Variants in ZRSR2 observed in about 807,000 individuals in gnomAD.
ZRSR2 encodes the protein zinc finger CCCH-type, RNA binding motif and serine/arginine rich 2.
In ZRSR2, 3 loss-of-function variants were observed where a neutral mutation model predicts 39.4. The observed-to-expected ratio is 0.08, with a 90% CI of 0.03 to 0.20. The LOEUF (loss-of-function observed/expected upper bound fraction) is 0.20. Ranked by LOEUF, ZRSR2 falls within the 10% of genes least tolerant of loss-of-function variation. ZRSR2 has a pLI of 1.00. For missense variants in ZRSR2, 256 were observed against 391.5 expected (o/e 0.65, Z 2.92); for synonymous variants, 137 against 136.0 (o/e 1.01, Z -0.05).
intron 2 of ZRSR2, among the ~76,000 whole-genome samples, chrX:15,791,519 G>A (rs1015422273): frequency 9.0e-6 from 1 of 111,171 alleles, no homozygotes; most frequent in Admixed American, 9.6e-5. Flanking sequence ...CTGTTGCCCA[G>A]GAGGGATGTG....
rs775366500 is a variant in ZRSR2, at chrX:15,804,157, A to C, written c.359A>C (p.Glu120Ala). 5.8e-6 allele frequency: 7 copies of C among 1,198,838 alleles called. No individual in the cohort carries two copies. The highest frequency in any genetic ancestry group is 7.9e-6 in the Non-Finnish European group (7 of 889,063). The change falls in exon 5 of 11, where the codon GAA becomes GCA. Residue 120 changes from glutamate to alanine, a missense_variant. Transcript: ENST00000307771. ...GAAGAACAGCAGAGGAAAGAGAGAG[A>C]AGAGGAGGAGCAGAAACGACAGGAG... ...QWEEQQRKER[E>A]EEEQKRQEKK... is the part of the protein sequence containing the mutation.
At position 15,795,235 on chromosome X, in the gene ZRSR2, TAAC is replaced by T. The variant is rs1384162428; in HGVS notation, c.121+4228_121+4230del. ...TTGATGATTTTCATGGCTTTTTCTATAACAACAATAGCATCTTCAATGGTATAA... is the reference window on the plus strand; with the variant it reads ...TTGATGATTTTCATGGCTTTTTCTATAACAATAGCATCTTCAATGGTATAA... On this transcript the variant is annotated intron_variant, in intron 2 of 10. Coordinates refer to ENST00000307771, the MANE Select transcript of ZRSR2 (RefSeq NM_005089.4). Among the ~76,000 whole-genome samples, 5 of 111,008 alleles carry T rather than the reference TAAC, an allele frequency of 4.5e-5. No homozygotes were observed. In the East Asian group the frequency reaches 1.4e-3, roughly 31 times the overall value.
chrX:15,821,225 C>T (rs147610436), intron 10 of ZRSR2, among the ~76,000 whole-genome samples: 183 of 110,712 alleles, frequency 1.7e-3, no homozygotes, highest in African/African-American at 5.8e-3. Flanking sequence ...GAATTGTTCG[C>T]TCCATAAAGG....
chrX:15,808,066 A>G (rs1932826816), intron 5 of ZRSR2, among the ~76,000 whole-genome samples, 167 bp from the exon 6 acceptor site: 1 of 111,683 alleles, frequency 9.0e-6, no homozygotes, highest in Admixed American at 9.5e-5. Flanking sequence ...AGTCTCAGCT[A>G]TATATCCTTT....
At chrX:15,817,771 G>A (rs933890330) in intron 8 of ZRSR2, among the ~76,000 whole-genome samples, 6 of 110,897 alleles carry the variant, frequency 5.4e-5, no homozygotes, top group African/African-American at 1.3e-4. Flanking sequence ...TGCTGACTGC[G>A]GTACTGTTTG....
intron 3 of ZRSR2, among the ~76,000 whole-genome samples, chrX:15,802,428 TA>T (rs1489090463): frequency 8.9e-6 from 1 of 112,548 alleles, no homozygotes; most frequent in African/African-American, 3.2e-5. Flanking sequence ...ATTGGTCATA[TA>T]AAAAATAGAC....
intron 2 of ZRSR2, among the ~76,000 whole-genome samples, 191 bp downstream of exon 2, chrX:15,791,204 G>A (rs1932265739): frequency 8.9e-6 from 1 of 112,075 alleles, no homozygotes; most frequent in Non-Finnish European, 1.9e-5. Context: ...GCAGGAAGAG[G>A]AAGTCTTGGT....
intron 8 of ZRSR2, among the ~76,000 whole-genome samples, chrX:15,818,152 G>A (rs1424834146): frequency 1.8e-5 from 2 of 112,145 alleles, no homozygotes; most frequent in Admixed American, 1.9e-4. Context: ...GTTTGTGTTT[G>A]GAATGTGAAG....
intron 10 of ZRSR2, among the ~76,000 whole-genome samples, chrX:15,822,176 A>C (rs1933123996): frequency 9.0e-6 from 1 of 110,936 alleles, no homozygotes; most frequent in Non-Finnish European, 1.9e-5. Flanking sequence ...TTTTTAGTAG[A>C]GATGGGGTTT....
chrX:15,798,421 T>C (rs1196492004), intron 2 of ZRSR2, among the ~76,000 whole-genome samples: 3 of 112,512 alleles, frequency 2.7e-5, no homozygotes, highest in Non-Finnish European at 1.9e-5. Flanking sequence ...CCATGAACCC[T>C]TCAGCAAGAT....
At position 15,806,019 on chromosome X, in the gene ZRSR2, A is replaced by G. The variant is rs752849100; in HGVS notation, c.399+1822A>G. 2.5e-3 allele frequency among the ~76,000 whole-genome samples: 274 copies of G among 111,439 alleles called. 1 individual carries two copies. Among genetic ancestry groups the G allele is most frequent in the Non-Finnish European group, 3.5e-3 (187 of 53,027 alleles). ...TTGTGCTTCTATAGATTGCCTGCTC[A>G]AGGAAATTTCTGAGGAGGTGATGTT... On this transcript the variant is annotated intron_variant, in intron 5 of 10. Transcript: ENST00000307771.
chrX:15,810,467 A>G (rs1219554989), intron 7 of ZRSR2, among the ~76,000 whole-genome samples: 1 of 111,991 alleles, frequency 8.9e-6, no homozygotes, highest in African/African-American at 3.2e-5. Context: ...AGTAAAATTC[A>G]GATGTATTTA....
At chrX:15,811,624 C>T (rs950095279) in intron 7 of ZRSR2, among the ~76,000 whole-genome samples, 32 of 112,119 alleles carry the variant, frequency 2.9e-4, no homozygotes, top group Middle Eastern at 4.6e-3. Flanking sequence ...GACGAGGTTT[C>T]GCCATGTTGG....
chrX:15,803,224 C>T (rs1055498005), intron 3 of ZRSR2, among the ~76,000 whole-genome samples: 2 of 110,581 alleles, frequency 1.8e-5, no homozygotes, highest in Non-Finnish European at 3.8e-5. Flanking sequence ...GATCATGCCA[C>T]TGCACTCCAG....
At chrX:15,795,152 T>C (rs189368561) in intron 2 of ZRSR2, among the ~76,000 whole-genome samples, 23 of 99,215 alleles carry the variant, frequency 2.3e-4, no homozygotes, top group African/African-American at 8.4e-4. Context: ...TTAAGTCCAA[T>C]GATGCCATGC....
At chrX:15,815,510 T>C (rs1932954273) in intron 7 of ZRSR2, among the ~76,000 whole-genome samples, 167 bp from the exon 8 acceptor site, 1 of 112,542 alleles carries the variant, frequency 8.9e-6, no homozygotes, top group South Asian at 3.6e-4. Context: ...TTTCACCATG[T>C]TAGCCAGGCT....
Position 15,822,926 on chromosome X carries a change from G to C in ZRSR2, c.1133G>C (p.Arg378Pro), listed in dbSNP as rs755330386. 1.7e-6 allele frequency: 2 copies of C among 1,211,124 alleles called. No homozygotes were observed. The highest frequency in any genetic ancestry group is 3.0e-5 in the East Asian group (1 of 33,811). ...GHHDDYYSRL[R>P]GRRNPSPDHS... ...CACGACGACTACTACAGCAGGCTGC[G>C]GGGAAGGAGAAACCCTAGTCCAGAC... The change falls in exon 11 of 11, where the codon CGG becomes CCG. Residue 378 changes from arginine to proline, a missense_variant. By Grantham distance (103) the Arg-to-Pro change is moderately radical. Coordinates refer to ENST00000307771, the MANE Select transcript of ZRSR2 (RefSeq NM_005089.4).
chrX:15,796,075 C>T (rs1336873583), intron 2 of ZRSR2, among the ~76,000 whole-genome samples: 1 of 109,052 alleles, frequency 9.2e-6, no homozygotes, highest in Non-Finnish European at 1.9e-5. Flanking sequence ...GTCGCCCAGG[C>T]TGGAGTGCAG....
At position 15,823,223 on chromosome X, in the gene ZRSR2, A is replaced by G; in HGVS notation, c.1430A>G (p.Gln477Arg). 2 of 1,160,166 alleles carry G rather than the reference A, an allele frequency of 1.7e-6. No homozygotes were observed. The highest frequency in any genetic ancestry group is 2.3e-6 in the Non-Finnish European group (2 of 872,234). Residue 477 changes from glutamine (Q) to arginine (R), a missense_variant, in exon 11 of 11, where the codon CAG (glutamine) becomes CGG (arginine). Around this residue, in one of 3 missense-constraint regions of ZRSR2, gnomAD observed 111 missense variants for 116.7 expected, o/e 0.95. Coordinates refer to ENST00000307771, the MANE Select transcript of ZRSR2 (RefSeq NM_005089.4). ...TCGGGTAATAGAGACAGAACTGTTC[A>G]GAGTCCCAAATCCAAATAAACTAGT... ...RRSGNRDRTVQSPKSK is the reference protein window; with the variant it reads ...RRSGNRDRTVRSPKSK
Sources: gnomAD v4.1 joint callset for allele counts (sites outside exome capture counted in the v4.1 genomes callset) on GRCh38, gnomAD v4.1.1 for gene constraint, gnomAD v4.1.1 regional missense constraint, MANE v1.5 for transcripts, NCBI Gene and HGNC (gene_info 2026-07-23, HGNC 2026-07-21) for gene names.